The following DKK2 variants were observed in gnomAD, a reference collection of about 807,000 sequenced individuals.
DKK2 encodes dickkopf Wnt signaling pathway inhibitor 2, also known as dickkopf-related protein 2.
DKK2 carries 11 observed loss-of-function variants against 28.1 expected under a neutral mutation model. That is an observed-to-expected ratio of 0.39 (90% confidence interval 0.25 to 0.65). The LOEUF (loss-of-function observed/expected upper bound fraction) is 0.65. Ranked by LOEUF, DKK2 falls within the 30% of genes least tolerant of loss-of-function variation. The pLI is 0.47. For synonymous variants in DKK2, 135 were observed against 126.5 expected (o/e 1.07, Z -0.45); for missense variants, 326 against 335.5 (o/e 0.97, Z 0.22).
chr4:106,993,250 A>G (rs1723229465), intron 1 of DKK2, among the ~76,000 whole-genome samples: 1 of 152,234 alleles, frequency 6.6e-6, no homozygotes, highest in African/African-American at 2.4e-5. Context: ...AATCTGTAAA[A>G]TTTGAATGAT....
chr4:107,018,979 G>A (rs1578380475), intron 1 of DKK2, among the ~76,000 whole-genome samples: 1 of 151,904 alleles, frequency 6.6e-6, no homozygotes, highest in Admixed American at 6.6e-5. Flanking sequence ...ATTTTTTGTT[G>A]GTGGTGGTTT....
At chr4:106,954,534 T>G (rs1722558517) in intron 1 of DKK2, among the ~76,000 whole-genome samples, 1 of 152,202 alleles carries the variant, frequency 6.6e-6, no homozygotes, top group Non-Finnish European at 1.5e-5. Context: ...TTCTTTTTTT[T>G]GTTTTGAGAC....
chr4:106,935,911 C>A (rs375146512), intron 1 of DKK2, among the ~76,000 whole-genome samples: 1 of 152,116 alleles, frequency 6.6e-6, no homozygotes, highest in Non-Finnish European at 1.5e-5. Context: ...GGGTCCTGTC[C>A]GTTAGAAGGA....
chr4:107,015,314 G>A (rs1723578931), intron 1 of DKK2, among the ~76,000 whole-genome samples: 1 of 151,496 alleles, frequency 6.6e-6, no homozygotes, highest in Non-Finnish European at 1.5e-5. Context: ...ATAAGATCGA[G>A]GACCTATACA....
chr4:106,987,906 C>T (rs942571766), intron 1 of DKK2, among the ~76,000 whole-genome samples: 1 of 150,604 alleles, frequency 6.6e-6, no homozygotes, highest in Non-Finnish European at 1.5e-5. Context: ...AATCTGTTGC[C>T]AGGCTGGAGT....
intron 1 of DKK2, 70 bp from the exon 2 acceptor site, chr4:106,926,019 G>A (rs1176477068): frequency 6.8e-7 from 1 of 1,463,450 alleles, no homozygotes; most frequent in African/African-American, 1.4e-5. Context: ...CATTACTATA[G>A]CAAATCATGA....
At chr4:106,935,968 A>G (rs918588465) in intron 1 of DKK2, among the ~76,000 whole-genome samples, 2 of 152,056 alleles carry the variant, frequency 1.3e-5, no homozygotes, top group Non-Finnish European at 2.9e-5. Flanking sequence ...CCATCTGTAC[A>G]TCACCATCAT....
intron 1 of DKK2, among the ~76,000 whole-genome samples, chr4:106,990,229 A>G (rs902902232): frequency 3.9e-5 from 6 of 152,274 alleles, no homozygotes; most frequent in Non-Finnish European, 7.3e-5. Flanking sequence ...CAGTCACACC[A>G]CTATGACAGT....
chr4:107,029,069 G>T (rs1723837100), intron 1 of DKK2, among the ~76,000 whole-genome samples: 2 of 152,172 alleles, frequency 1.3e-5, no homozygotes, highest in Admixed American at 1.3e-4. Context: ...TTGCTATGGT[G>T]CCTGCCTTAG....
chr4:106,965,441 A>G (rs1279775420), intron 1 of DKK2, among the ~76,000 whole-genome samples: 1 of 152,174 alleles, frequency 6.6e-6, no homozygotes, highest in Non-Finnish European at 1.5e-5. Flanking sequence ...TTAAAAAGCA[A>G]TAAAAACTGG....
In DKK2 at chr4:106,939,530, G is replaced by T. The variant is rs1051306040; in HGVS notation, c.223-13581C>A. Among the ~76,000 whole-genome samples the T allele has an allele frequency of 6.1e-3, 928 of 152,134 alleles. 9 individuals carry two copies. The highest frequency in any genetic ancestry group is 0.021 in the African/African-American group (870 of 41,494). On this transcript the variant is annotated intron_variant, in intron 1 of 3. Transcript: ENST00000285311. ...ATCAATATCATGAAAATGGCCATAC[G>T]GCCCAAGGTAATTTACAGATTCAAT...
At chr4:106,994,528 G>A (rs1723246204) in intron 1 of DKK2, among the ~76,000 whole-genome samples, 1 of 150,960 alleles carries the variant, frequency 6.6e-6, no homozygotes, top group African/African-American at 2.4e-5. Context: ...CATAGGACAA[G>A]TTCACAATTA....
chr4:106,979,754 C>T (rs1722998815), intron 1 of DKK2, among the ~76,000 whole-genome samples: 1 of 152,184 alleles, frequency 6.6e-6, no homozygotes, highest in African/African-American at 2.4e-5. Context: ...CTGTGCTATT[C>T]CCAGCCTTAC....
At chr4:106,943,834 C>G (rs1724737477) in intron 1 of DKK2, among the ~76,000 whole-genome samples, 1 of 152,060 alleles carries the variant, frequency 6.6e-6, no homozygotes, top group Non-Finnish European at 1.5e-5. Context: ...AGAGCAGTAA[C>G]TATTTTACCC....
At chr4:107,032,729 G>A (rs967314142) in intron 1 of DKK2, among the ~76,000 whole-genome samples, 12 of 152,056 alleles carry the variant, frequency 7.9e-5, no homozygotes, top group African/African-American at 2.4e-4. Flanking sequence ...AAGGGAATTG[G>A]GGGAAATAAA....
intron 1 of DKK2, among the ~76,000 whole-genome samples, chr4:106,981,365 T>C (rs373730775): frequency 1.3e-4 from 20 of 152,300 alleles, no homozygotes; most frequent in African/African-American, 4.8e-4. Flanking sequence ...GTCTAACATA[T>C]TGAAAATAAA....
At chr4:106,930,311 T>C (rs1724483961) in intron 1 of DKK2, among the ~76,000 whole-genome samples, 1 of 152,144 alleles carries the variant, frequency 6.6e-6, no homozygotes, top group African/African-American at 2.4e-5. Context: ...CCCAAAGTCT[T>C]CTCAAAACTG....
At position 106,987,992 on chromosome 4, in the gene DKK2, G is replaced by A. The variant is rs566716094; in HGVS notation, c.222+47378C>T. 7.9e-5 allele frequency among the ~76,000 whole-genome samples: 12 copies of A among 151,900 alleles called. No homozygotes were observed. In the South Asian group the frequency reaches 1.5e-3, roughly 18 times the overall value. ...CAATTCTCCTGCCTCAGCCTCCTGCGTAGCTGGGACTATAGGCACCCACCA... is the reference window on the plus strand; with the variant it reads ...CAATTCTCCTGCCTCAGCCTCCTGCATAGCTGGGACTATAGGCACCCACCA... On this transcript the variant is annotated intron_variant, in intron 1 of 3. Coordinates refer to ENST00000285311, the MANE Select transcript of DKK2 (RefSeq NM_014421.3).
Position 106,942,785 on chromosome 4 carries a change from C to T in DKK2, c.223-16836G>A, listed in dbSNP as rs916540348. Among the ~76,000 whole-genome samples, 4 of 151,892 alleles carry T rather than the reference C, an allele frequency of 2.6e-5. No individual in the cohort carries two copies. In the South Asian group the frequency reaches 8.3e-4, roughly 32 times the overall value. On this transcript the variant is annotated intron_variant, in intron 1 of 3. Coordinates refer to ENST00000285311, the MANE Select transcript of DKK2 (RefSeq NM_014421.3). ...TCTTGTTTCAAATTTTTTTTTCCCT[C>T]ACATTGAACAGTGAAGTGTATCTGG...
Sources: gnomAD v4.1 joint callset for allele counts (sites outside exome capture counted in the v4.1 genomes callset) on GRCh38, gnomAD v4.1.1 for gene constraint, MANE v1.5 for transcripts, NCBI Gene and HGNC (gene_info 2026-07-23, HGNC 2026-07-21) for gene names.